Variants in PITRM1 observed in about 807,000 individuals in gnomAD.
PITRM1 encodes pitrilysin metallopeptidase 1, also known as presequence protease, mitochondrial.
A neutral mutation model predicts 129.9 loss-of-function variants in PITRM1; 100 were observed. That is an observed-to-expected ratio of 0.77 (90% CI 0.65 to 0.91). The LOEUF (loss-of-function observed/expected upper bound fraction) is 0.91, where lower values mean the gene tolerates loss of function less well. Ranked by LOEUF, PITRM1 falls within the 40% of genes least tolerant of loss-of-function variation. The pLI, the probability that PITRM1 is intolerant of heterozygous loss-of-function variation, is 0.00. For missense variants in PITRM1, 1,471 were observed against 1,318.3 expected (o/e 1.12, Z -1.79); for synonymous variants, 591 against 508.8 (o/e 1.16, Z -2.17).
intron 14 of PITRM1, among the ~76,000 whole-genome samples, chr10:3,153,527 G>A (rs1841700845): frequency 6.6e-6 from 1 of 151,934 alleles, no homozygotes; most frequent in African/African-American, 2.4e-5. Context: ...GCTGAGGCGA[G>A]AAAATGACGT....
At position 3,157,461 on chromosome 10, in the gene PITRM1, T is replaced by G. The variant is rs968409640; in HGVS notation, c.1321A>C (p.Thr441Pro). The G allele has an allele frequency of 2.5e-6, 4 of 1,610,260 alleles. No homozygotes were observed. Among genetic ancestry groups the G allele is most frequent in the Non-Finnish European group, 3.4e-6 (4 of 1,177,702 alleles). ...KIEIQMKHQSTSFGLMLTSYI... is the reference protein window; with the variant it reads ...KIEIQMKHQSPSFGLMLTSYI... ...GATGTCAGCATCAGCCCAAAGCTGGTAGACTGATGTTTCATCTGTATTTCA... is the reference window on the plus strand; with the variant it reads ...GATGTCAGCATCAGCCCAAAGCTGGGAGACTGATGTTTCATCTGTATTTCA... Residue 441 changes from threonine to proline, a missense_variant, in exon 12 of 27, where the codon ACC (threonine) becomes CCC (proline). Coordinates refer to ENST00000224949, the MANE Select transcript of PITRM1 (RefSeq NM_014889.4).
intron 6 of PITRM1, among the ~76,000 whole-genome samples, chr10:3,164,658 T>C (rs962357505): frequency 1.4e-4 from 22 of 152,060 alleles, no homozygotes; most frequent in African/African-American, 5.3e-4. Flanking sequence ...GGTGCCTGTG[T>C]GTGTTTATAT....
chr10:3,158,806 A>G, intron 10 of PITRM1, 108 bp downstream of exon 10: 3 of 1,102,094 alleles, frequency 2.7e-6, no homozygotes, highest in Middle Eastern at 4.6e-4. Context: ...AAATCCAAAA[A>G]TGTTCCAGAC....
chr10:3,151,443 T>A, intron 14 of PITRM1, 80 bp from the exon 15 acceptor site: 1 of 872,456 alleles, frequency 1.1e-6, no homozygotes, highest in Non-Finnish European at 1.9e-6. Flanking sequence ...TGTTATTATC[T>A]TAACATCCAG....
At chr10:3,149,334 A>G (rs1293644009) in intron 16 of PITRM1, 3 of 266,346 alleles carry the variant, frequency 1.1e-5, no homozygotes, top group African/African-American at 2.2e-5. Flanking sequence ...AATTACTTAC[A>G]TTTTCGGATT....
intron 13 of PITRM1, 143 bp from the exon 14 acceptor site, chr10:3,155,872 C>G (rs1841935756): frequency 1.1e-6 from 1 of 926,930 alleles, no homozygotes; most frequent in Non-Finnish European, 1.6e-6. Flanking sequence ...GAACGCACCT[C>G]AAGAGTTGTT....
At chr10:3,147,291 C>T in intron 19 of PITRM1, 41 bp from the exon 20 acceptor site, 2 of 1,410,170 alleles carry the variant, frequency 1.4e-6, no homozygotes, top group Non-Finnish European at 2.0e-6. Context: ...GCAGAGGCTA[C>T]AACAGACCCG....
At chr10:3,163,537 G>A in intron 7 of PITRM1, 188 bp downstream of exon 7, 1 of 500,504 alleles carries the variant, frequency 2.0e-6, no homozygotes, top group Non-Finnish European at 3.5e-6. Flanking sequence ...CCTCCTGAGG[G>A]CTATCATTGT....
intron 8 of PITRM1, 21 bp downstream of exon 8, chr10:3,160,183 C>T: frequency 6.2e-7 from 1 of 1,612,834 alleles, no homozygotes; most frequent in Non-Finnish European, 8.5e-7. Flanking sequence ...AGGAAGGACA[C>T]AAACACGGTG....
chr10:3,144,278 G>C lies in PITRM1; in HGVS notation c.2532+14C>G, dbSNP rs369843899. The C allele has an allele frequency of 2.0e-6, 3 of 1,520,208 alleles. No homozygotes were observed. The South Asian group carries it at 3.6e-5, about 18-fold the overall frequency. 94.2% of individuals were successfully genotyped at this position (1,520,208 alleles called of 1,614,324 possible). On this transcript the variant is annotated intron_variant, in intron 22 of 26. Coordinates refer to ENST00000224949, the MANE Select transcript of PITRM1 (RefSeq NM_014889.4). ...ACCCACCCGCTGGCAACCCGGATGG[G>C]CTGTGGTTCTTACCATGACCAGCTT...
At chr10:3,172,328 G>A in intron 1 of PITRM1, 1 of 494,480 alleles carries the variant, frequency 2.0e-6, no homozygotes, top group Non-Finnish European at 3.9e-6. Context: ...TTAAGTATGG[G>A]CTGTGGGCGC....
rs1357480201 is a variant in PITRM1, at chr10:3,143,425, A to G, written c.2609T>C (p.Ile870Thr). The G allele has an allele frequency of 6.2e-7, 1 of 1,613,460 alleles. No homozygotes were observed. The highest frequency in any genetic ancestry group is 1.1e-5 in the South Asian group (1 of 91,076). Reference sequence around the variant, plus strand: ...TGGGTCCGTGTAGGGGACAGTTCGGATGCATTCACCCACGTAATTCACCGG... The same window carrying G: ...TGGGTCCGTGTAGGGGACAGTTCGGGTGCATTCACCCACGTAATTCACCGG... The part of the protein sequence containing the change: ...PFPVNYVGEC[I>T]RTVPYTDPDH... The change falls in exon 23 of 27, where the codon ATC (isoleucine) becomes ACC (threonine). Residue 870 changes from isoleucine to threonine, a missense_variant. Coordinates refer to ENST00000224949, the MANE Select transcript of PITRM1 (RefSeq NM_014889.4).
At chr10:3,163,931 TACAC>T (rs1842662620) in intron 6 of PITRM1, 46 bp from the exon 7 acceptor site, 1 of 1,307,042 alleles carries the variant, frequency 7.7e-7, no homozygotes, top group Non-Finnish European at 1.1e-6. Context: ...TGTAAAATAA[TACAC>T]ACGTTACATT....
intron 21 of PITRM1, chr10:3,144,970 G>A (rs928435973): frequency 1.3e-5 from 2 of 152,656 alleles, no homozygotes; most frequent in African/African-American, 4.8e-5. Context: ...GTCAAATCAA[G>A]AGGACATTTA....
In PITRM1 at chr10:3,169,424, G is replaced by A. The variant is rs767995769; in HGVS notation, c.159+680C>T. Among the ~76,000 whole-genome samples the A allele has an allele frequency of 1.2e-4, 19 of 152,268 alleles. No individual in the cohort carries two copies. In the South Asian group the frequency reaches 1.5e-3, roughly 12 times the overall value. ...CTCCTGCCCTTGTCCTTGGCCCTCC[G>A]CGTGGCGTCCACCATGTGCCTCCGG... On this transcript the variant is annotated intron_variant, in intron 2 of 26. Coordinates refer to ENST00000224949, the MANE Select transcript of PITRM1 (RefSeq NM_014889.4).
At position 3,165,265 on chromosome 10, in the gene PITRM1, G is replaced by T; in HGVS notation, c.603C>A (p.Val201=). Residue 201 remains valine, a synonymous_variant, in exon 6 of 27, where the codon GTC becomes GTA. Coordinates refer to ENST00000224949, the MANE Select transcript of PITRM1 (RefSeq NM_014889.4). ...ACGCTCCCTTCATCTCATTAAAGAC[G>T]ACTCCTTTAAAGACCAAGGGCGTCT... ...DPQTPLVFKG[V]VFNEMKGAFT... is the part of the protein sequence containing the mutation. 1 of 1,577,830 alleles carries T rather than the reference G, an allele frequency of 6.3e-7. No homozygotes were observed. The highest frequency in any genetic ancestry group is 8.6e-7 in the Non-Finnish European group (1 of 1,162,580).
At chr10:3,141,722 A>G (rs1462481341) in intron 23 of PITRM1, 1 of 465,602 alleles carries the variant, frequency 2.1e-6, no homozygotes, top group African/African-American at 2.0e-5. Context: ...CGCCGCTTCC[A>G]CAGACAGGCC....
At position 3,147,239 on chromosome 10, in the gene PITRM1, C is replaced by A; in HGVS notation, c.2247G>T (p.Met749Ile). 1 of 1,612,200 alleles carries A rather than the reference C, an allele frequency of 6.2e-7. No individual in the cohort carries two copies. Among genetic ancestry groups the A allele is most frequent in the Non-Finnish European group, 8.5e-7 (1 of 1,178,326 alleles). Reference protein sequence around the residue: ...TFSGMDQVRLMKRIAEMTDIK... With the variant: ...TFSGMDQVRLIKRIAEMTDIK... ...TATCTGTCATTTCTGCAATCCTCTT[C>A]ATCAGCCGCACCTAAGCCAGAGGAA... The change falls in exon 20 of 27, where the codon ATG (methionine) becomes ATT (isoleucine). Residue 749 changes from methionine (M) to isoleucine (I), a missense_variant. By Grantham distance (10) the Met-to-Ile change is conservative. Transcript: ENST00000224949.
intron 14 of PITRM1, among the ~76,000 whole-genome samples, chr10:3,152,688 C>T (rs1841622531): frequency 6.6e-6 from 1 of 152,254 alleles, no homozygotes; most frequent in African/African-American, 2.4e-5. Flanking sequence ...TACCTAACAT[C>T]CTGACTTTCC....
Sources: allele counts gnomAD v4.1 joint callset (sites outside exome capture counted in the v4.1 genomes callset), GRCh38; gene constraint gnomAD v4.1.1; transcripts MANE v1.5; gene names NCBI Gene and HGNC (gene_info 2026-07-23, HGNC 2026-07-21).